CNTN5: variants seen among roughly 807,000 people sequenced by gnomAD.
CNTN5 encodes the protein contactin 5, also known as contactin-5.
CNTN5 carries 77 observed loss-of-function variants against 129.1 expected under a neutral mutation model. The ratio of observed to expected loss-of-function variants is 0.60; its 90% CI spans 0.50 to 0.72. The LOEUF (loss-of-function observed/expected upper bound fraction) is 0.72, where lower values mean the gene tolerates loss of function less well. CNTN5 is among the 30% of genes least tolerant of loss of function. The pLI, the probability that CNTN5 is intolerant of heterozygous loss-of-function variation, is 0.00. For missense variants in CNTN5, 1,478 were observed against 1,328.8 expected (o/e 1.11, Z -1.75); for synonymous variants, 509 against 465.6 (o/e 1.09, Z -1.20).
In CNTN5 at chr11:99,021,171, C is replaced by T. The variant is rs1045623261; in HGVS notation, c.-309C>T. 1.3e-5 allele frequency: 2 copies of T among 152,360 alleles called. No individual in the cohort carries two copies. Among genetic ancestry groups the T allele is most frequent in the African/African-American group, 2.4e-5 (1 of 41,430 alleles). 9.4% of individuals were successfully genotyped at this position (152,360 alleles called of 1,614,324 possible). On this transcript the variant is annotated 5_prime_UTR_variant, in exon 1 of 25. Transcript: ENST00000524871. ...GCCTCTGCCACAGGCTGCAAAGGAC[C>T]CGAGGAACCGCTCTCTCTGAACTGT... is the stretch of plus-strand genomic sequence containing the variant.
intron 2 of CNTN5, among the ~76,000 whole-genome samples, chr11:99,465,636 A>ATT (rs11400212): frequency 0.083 from 12,494 of 150,528 alleles, 661 homozygotes; most frequent in South Asian, 0.12. Flanking sequence ...GAATAAATTA[A>ATT]TTTTTTTTAG....
rs1179102361 is a variant in CNTN5, at chr11:99,560,417, G to A, written c.55+4148G>A. On this transcript the variant is annotated intron_variant, in intron 3 of 24. Transcript: ENST00000524871. ...AGAAATTCTCCTGCCTCAGACTCCC[G>A]AGTAGCTGGGATTACAGATGTGTGC... Among the ~76,000 whole-genome samples, 3 of 151,754 alleles carry A rather than the reference G, an allele frequency of 2.0e-5. No individual in the cohort carries two copies. In the East Asian group the frequency reaches 5.8e-4, roughly 30 times the overall value.
At chr11:99,689,257 G>T (rs1953927337) in intron 3 of CNTN5, among the ~76,000 whole-genome samples, 1 of 152,028 alleles carries the variant, frequency 6.6e-6, no homozygotes, top group African/African-American at 2.4e-5. Context: ...GCCGGGCGTG[G>T]TGGCTCACGC....
At chr11:100,114,575 C>T (rs571615288) in intron 13 of CNTN5, among the ~76,000 whole-genome samples, 6 of 152,196 alleles carry the variant, frequency 3.9e-5, no homozygotes, top group African/African-American at 1.4e-4. Context: ...GTTTAAAATG[C>T]TTAGTGTAGT....
chr11:99,550,387 A>G (rs1411213806), intron 2 of CNTN5, among the ~76,000 whole-genome samples: 2 of 152,100 alleles, frequency 1.3e-5, no homozygotes, highest in African/African-American at 4.8e-5. Context: ...CCCCAGGTGC[A>G]TTGAGCTAGA....
chr11:100,227,087 G>C (rs770155024), intron 16 of CNTN5, among the ~76,000 whole-genome samples: 14 of 152,122 alleles, frequency 9.2e-5, no homozygotes, highest in Non-Finnish European at 4.4e-5. Context: ...TCTTTTAGTA[G>C]AATACTAAAA....
intron 6 of CNTN5, among the ~76,000 whole-genome samples, chr11:99,908,588 C>G (rs1307309905): frequency 6.6e-6 from 1 of 151,984 alleles, no homozygotes; most frequent in Non-Finnish European, 1.5e-5. Flanking sequence ...GAAATTTTAT[C>G]AAATGTATAA....
chr11:99,100,461 C>G (rs1051523946), intron 1 of CNTN5, among the ~76,000 whole-genome samples: 4 of 151,908 alleles, frequency 2.6e-5, no homozygotes, highest in Non-Finnish European at 5.9e-5. Flanking sequence ...TGTTTTTTGG[C>G]TTTCATTTGT....
intron 1 of CNTN5, among the ~76,000 whole-genome samples, chr11:99,101,075 C>T (rs577360517): frequency 2.6e-5 from 4 of 152,058 alleles, no homozygotes; most frequent in South Asian, 2.1e-4. Flanking sequence ...TAGTGGAAGG[C>T]GAAAGGCACA....
intron 2 of CNTN5, among the ~76,000 whole-genome samples, chr11:99,358,515 C>T (rs541053108): frequency 6.6e-6 from 1 of 151,260 alleles, no homozygotes; most frequent in Admixed American, 6.6e-5. Flanking sequence ...CAGCCAAGAT[C>T]GCGCCACTGC....
intron 13 of CNTN5, among the ~76,000 whole-genome samples, chr11:100,183,479 C>T (rs1948201012): frequency 6.6e-6 from 1 of 151,990 alleles, no homozygotes; most frequent in Non-Finnish European, 1.5e-5. Flanking sequence ...TTTAATTATG[C>T]CAAGTGAAAT....
chr11:99,413,720 T>C (rs1230371676), intron 2 of CNTN5, among the ~76,000 whole-genome samples: 1 of 152,182 alleles, frequency 6.6e-6, no homozygotes, highest in Non-Finnish European at 1.5e-5. Flanking sequence ...CGTTTTTTTC[T>C]CAGAAGTCTT....
At chr11:99,703,093 G>A (rs977689744) in intron 3 of CNTN5, among the ~76,000 whole-genome samples, 18 of 150,450 alleles carry the variant, frequency 1.2e-4, no homozygotes, top group Admixed American at 5.3e-4. Context: ...TCAAGCACTA[G>A]CTCTATAACT....
chr11:99,590,250 G>GATA (rs1308426949), intron 3 of CNTN5, among the ~76,000 whole-genome samples: 1 of 152,134 alleles, frequency 6.6e-6, no homozygotes, highest in Non-Finnish European at 1.5e-5. Flanking sequence ...AACTACCATT[G>GATA]ATAATAATAA....
chr11:100,192,073 A>G (rs1234644737), intron 14 of CNTN5, among the ~76,000 whole-genome samples: 1 of 152,018 alleles, frequency 6.6e-6, no homozygotes, highest in Non-Finnish European at 1.5e-5. Flanking sequence ...GTACTCTGAT[A>G]TTTTAGAAGA....
intron 8 of CNTN5, among the ~76,000 whole-genome samples, chr11:99,964,430 C>T (rs1050798579): frequency 3.3e-5 from 5 of 152,196 alleles, no homozygotes; most frequent in African/African-American, 4.8e-5. Context: ...TGGTTTTTGC[C>T]GTTGGTTCTG....
chr11:99,934,227 T>C (rs1411555223), intron 7 of CNTN5, among the ~76,000 whole-genome samples: 1 of 152,228 alleles, frequency 6.6e-6, no homozygotes, highest in Admixed American at 6.5e-5. Context: ...GCCATTACAA[T>C]GAAAGTGCAA....
At chr11:99,024,031 G>A (rs1002074049) in intron 1 of CNTN5, among the ~76,000 whole-genome samples, 3 of 152,108 alleles carry the variant, frequency 2.0e-5, no homozygotes, top group African/African-American at 4.8e-5. Context: ...GAGACTGGTC[G>A]GAAGCTCAAA....
At chr11:99,861,709 G>A (rs530692988) in intron 6 of CNTN5, among the ~76,000 whole-genome samples, 5 of 152,196 alleles carry the variant, frequency 3.3e-5, no homozygotes, top group South Asian at 2.1e-4. Flanking sequence ...TAATGAAGTC[G>A]CAGTAATGTA....
Sources: allele counts gnomAD v4.1 joint callset (sites outside exome capture counted in the v4.1 genomes callset), GRCh38; gene constraint gnomAD v4.1.1; transcripts MANE v1.5; gene names NCBI Gene and HGNC (gene_info 2026-07-23, HGNC 2026-07-21).